TMEM74: variants seen among roughly 807,000 people sequenced by gnomAD.
TMEM74 encodes the protein transmembrane protein 74.
A neutral mutation model predicts 18.1 loss-of-function variants in TMEM74; 13 were observed. The observed-to-expected ratio is 0.72, with a 90% confidence interval of 0.47 to 1.14. TMEM74 has a LOEUF of 1.14. Ranked by LOEUF, TMEM74 falls within the 50% of genes most tolerant of loss-of-function variation. The pLI, the probability that TMEM74 is intolerant of heterozygous loss-of-function variation, is 0.00. For synonymous variants in TMEM74, 159 were observed against 146.6 expected (o/e 1.08, Z -0.61); for missense variants, 372 against 375.9 (o/e 0.99, Z 0.09).
At chr8:108,752,576 C>G (rs545355270) in intron 1 of TMEM74, among the ~76,000 whole-genome samples, 1 of 152,178 alleles carries the variant, frequency 6.6e-6, no homozygotes, top group African/African-American at 2.4e-5. Context: ...CCTTTCATCC[C>G]AACTGTGTAC....
Position 108,659,062 on chromosome 8 carries a change from A to G in TMEM74, n.120-3625T>C, listed in dbSNP as rs564832082. ...GAAAATATGGAGACTTGGTAGAAATAGCCAACTGAAGAAAAATATATAAAG... is the reference window on the plus strand; with the variant it reads ...GAAAATATGGAGACTTGGTAGAAATGGCCAACTGAAGAAAAATATATAAAG... On this transcript the variant is annotated intron_variant and non_coding_transcript_variant, in intron 1 of 3. Transcript: ENST00000518838. Among the ~76,000 whole-genome samples, 22 of 152,296 alleles carry G rather than the reference A, an allele frequency of 1.4e-4. No homozygotes were observed. In the South Asian group the frequency reaches 2.5e-3, roughly 17 times the overall value.
chr8:108,619,397 G>A (rs1470613185), intron 2 of TMEM74, among the ~76,000 whole-genome samples: 1 of 152,212 alleles, frequency 6.6e-6, no homozygotes, highest in Non-Finnish European at 1.5e-5. Flanking sequence ...TGCAAATGCA[G>A]GTGTTGCTTC....
chr8:108,674,125 T>C, intron 1 of TMEM74, among the ~76,000 whole-genome samples: 1 of 152,178 alleles, frequency 6.6e-6, no homozygotes, highest in East Asian at 1.9e-4. Context: ...CACAAGCAAG[T>C]ATGTTATCAG....
chr8:108,684,642 A>G (rs1298887758), intron 1 of TMEM74, among the ~76,000 whole-genome samples: 2 of 150,642 alleles, frequency 1.3e-5, no homozygotes, highest in Non-Finnish European at 3.0e-5. Flanking sequence ...TATTCATAAA[A>G]GCTTTTCCCA....
At chr8:108,751,943 C>T (rs1277940434) in intron 1 of TMEM74, among the ~76,000 whole-genome samples, 1 of 151,998 alleles carries the variant, frequency 6.6e-6, no homozygotes, top group African/African-American at 2.4e-5. Context: ...TTACCAGATG[C>T]CATTAGGAAA....
rs1399472758 is a variant in TMEM74 at position 108,756,660 on chromosome 8, GAA to G, written n.119+30814_119+30815del. ...GAAGGAAGAAAGAAAGAGAAAGAAA[GAA>G]AGAAAGAAAGAAAGAAAGAAAGAAA... On this transcript the variant is annotated intron_variant and non_coding_transcript_variant, in intron 1 of 3. Transcript: ENST00000518838. 3.9e-3 allele frequency among the ~76,000 whole-genome samples: 298 copies of G among 76,632 alleles called. 6 individuals are homozygous for G. Among genetic ancestry groups the G allele is most frequent in the African/African-American group, 0.014 (210 of 15,430 alleles). 50.3% of individuals were successfully genotyped at this position (76,632 alleles called of 152,430 possible). A position where few individuals can be genotyped will look rare whatever the true frequency, so the allele number is the denominator to read the frequency against.
At chr8:108,678,374 T>G (rs952601962) in intron 1 of TMEM74, among the ~76,000 whole-genome samples, 1 of 152,130 alleles carries the variant, frequency 6.6e-6, no homozygotes, top group African/African-American at 2.4e-5. Context: ...TTATTTATTT[T>G]TAGTTTTTGA....
At chr8:108,695,257 G>T (rs1246511574) in intron 1 of TMEM74, among the ~76,000 whole-genome samples, 1 of 152,170 alleles carries the variant, frequency 6.6e-6, no homozygotes, top group Admixed American at 6.5e-5. Flanking sequence ...AAAAAAAGGT[G>T]GATGTGGGAA....
intron 1 of TMEM74, among the ~76,000 whole-genome samples, chr8:108,684,424 TTTTTTGCCC>T (rs1405747455): frequency 6.6e-6 from 1 of 151,890 alleles, no homozygotes; most frequent in Non-Finnish European, 1.5e-5. Context: ...TCTCTTCAGA[TTTTTTGCCC>T]ATTTTTTTTT....
intron 1 of TMEM74, among the ~76,000 whole-genome samples, chr8:108,729,795 A>G (rs923076505): frequency 2.6e-5 from 4 of 152,194 alleles, no homozygotes; most frequent in Admixed American, 2.0e-4. Flanking sequence ...ACCATGCTAC[A>G]TGCAATGGAT....
At chr8:108,723,850 C>T (rs958024434) in intron 1 of TMEM74, among the ~76,000 whole-genome samples, 2 of 152,114 alleles carry the variant, frequency 1.3e-5, no homozygotes, top group Non-Finnish European at 2.9e-5. Flanking sequence ...ATGTTTCTTC[C>T]AGGGAATTAT....
intron 1 of TMEM74, among the ~76,000 whole-genome samples, chr8:108,764,638 A>C (rs1046564921): frequency 6.6e-6 from 1 of 152,124 alleles, no homozygotes; most frequent in African/African-American, 2.4e-5. Context: ...TCTAAGAGAC[A>C]GTATTTCTTT....
intron 1 of TMEM74, among the ~76,000 whole-genome samples, chr8:108,663,121 A>G (rs193186461): frequency 2.6e-4 from 40 of 152,308 alleles, no homozygotes; most frequent in Non-Finnish European, 5.1e-4. Context: ...GAGCTTCTGC[A>G]CAGCAAAAGA....
chr8:108,719,939 A>G lies in TMEM74; in HGVS notation n.120-64502T>C, dbSNP rs544670245. ...TAATCTTCCACTGAAAAGGCTATTT[A>G]AAGTATATTTTTAAAAAATCATGTG... is the stretch of plus-strand genomic sequence containing the variant. On this transcript the variant is annotated intron_variant and non_coding_transcript_variant, in intron 1 of 3. Transcript: ENST00000518838. 1.4e-4 allele frequency among the ~76,000 whole-genome samples: 21 copies of G among 152,292 alleles called. No homozygotes were observed. In the East Asian group the frequency reaches 4.0e-3, roughly 29 times the overall value.
intron 1 of TMEM74, among the ~76,000 whole-genome samples, chr8:108,754,130 A>C (rs555410990): frequency 6.6e-4 from 101 of 152,178 alleles, no homozygotes; most frequent in African/African-American, 2.2e-3. Flanking sequence ...ATAATCTACT[A>C]TCAGGCAATC....
chr8:108,708,721 T>C (rs1051241835), intron 1 of TMEM74, among the ~76,000 whole-genome samples: 2 of 146,296 alleles, frequency 1.4e-5, no homozygotes, highest in African/African-American at 2.6e-5. Flanking sequence ...TAAAATGCAG[T>C]CTATGGAATG....
intron 1 of TMEM74, among the ~76,000 whole-genome samples, chr8:108,768,961 G>T (rs867714535): frequency 1.3e-5 from 2 of 152,076 alleles, no homozygotes; most frequent in Non-Finnish European, 2.9e-5. Flanking sequence ...AAGATATTGA[G>T]AGAAAATATA....
At chr8:108,771,801 A>T (rs1266709286) in intron 1 of TMEM74, among the ~76,000 whole-genome samples, 4 of 152,042 alleles carry the variant, frequency 2.6e-5, no homozygotes, top group African/African-American at 9.7e-5. Flanking sequence ...CATCTTTTTG[A>T]ATATTTCTAT....
intron 2 of TMEM74, among the ~76,000 whole-genome samples, chr8:108,653,892 T>C (rs1359428155): frequency 6.6e-6 from 1 of 152,138 alleles, no homozygotes; most frequent in African/African-American, 2.4e-5. Flanking sequence ...TATTTGTCAA[T>C]TTTCTAAAAT....
Sources: gnomAD v4.1 joint callset for allele counts (sites outside exome capture counted in the v4.1 genomes callset) on GRCh38, gnomAD v4.1.1 for gene constraint, MANE v1.5 for transcripts, NCBI Gene and HGNC (gene_info 2026-07-23, HGNC 2026-07-21) for gene names.